The following PDE3A variants were observed in gnomAD, a reference collection of about 807,000 sequenced individuals.
The protein encoded by PDE3A is phosphodiesterase 3A.
In PDE3A, 43 loss-of-function variants were observed where a neutral mutation model predicts 98.3. The ratio of observed to expected loss-of-function variants is 0.44; its 90% CI spans 0.34 to 0.56. The LOEUF is 0.56. Among genes scored for constraint, PDE3A ranks in the 20% least tolerant of loss-of-function variants. The probability of loss-of-function intolerance (pLI) is 0.01; values close to 1 mark genes in which losing one functional copy is unlikely to be tolerated. For synonymous variants in PDE3A, 663 were observed against 567.9 expected (o/e 1.17, Z -2.38); for missense variants, 1,427 against 1,440.7 (o/e 0.99, Z 0.15).
chr12:20,647,173 G>A (rs1565461773), intron 12 of PDE3A, among the ~76,000 whole-genome samples: 1 of 152,100 alleles, frequency 6.6e-6, no homozygotes, highest in Non-Finnish European at 1.5e-5. Context: ...TCATTTCTCA[G>A]TTTTCTTCTT....
At chr12:20,405,339 A>T (rs1271708112) in intron 1 of PDE3A, among the ~76,000 whole-genome samples, 3 of 151,794 alleles carry the variant, frequency 2.0e-5, no homozygotes, top group Non-Finnish European at 4.4e-5. Context: ...ATTCCTTCCC[A>T]CCTTCATCCT....
At chr12:20,475,673 T>C (rs1945519364) in intron 1 of PDE3A, among the ~76,000 whole-genome samples, 1 of 152,068 alleles carries the variant, frequency 6.6e-6, no homozygotes, top group Non-Finnish European at 1.5e-5. Flanking sequence ...GAGGTTGCAG[T>C]GAGCCGAGAT....
In PDE3A at chr12:20,447,760, TAATC is replaced by T. The variant is rs1274182266; in HGVS notation, c.960+77519_960+77522del. 5.3e-5 allele frequency among the ~76,000 whole-genome samples: 8 copies of T among 152,206 alleles called. No individual in the cohort carries two copies. The South Asian group carries it at 1.0e-3, about 20-fold the overall frequency. ...AATTCTGTGAGCTGCTCTAGAAAAT[TAATC>T]AAACACAAAGAGGTGGGTTATAGGA... On this transcript the variant is annotated intron_variant, in intron 1 of 15. Coordinates refer to ENST00000359062, the MANE Select transcript of PDE3A (RefSeq NM_000921.5).
chr12:20,557,563 A>G (rs537498021), intron 2 of PDE3A, among the ~76,000 whole-genome samples: 3 of 152,338 alleles, frequency 2.0e-5, no homozygotes, highest in Admixed American at 6.5e-5. Flanking sequence ...TGAATGTGCA[A>G]TACTGTAAAT....
intron 1 of PDE3A, among the ~76,000 whole-genome samples, chr12:20,434,907 C>T (rs1367414159): frequency 6.6e-6 from 1 of 152,094 alleles, no homozygotes. Context: ...GGATTAAAAA[C>T]TTTAAAGCAA....
At chr12:20,540,435 T>C (rs960026997) in intron 1 of PDE3A, among the ~76,000 whole-genome samples, 27 of 152,234 alleles carry the variant, frequency 1.8e-4, no homozygotes, top group African/African-American at 6.5e-4. Flanking sequence ...TATAATTTAT[T>C]GATTCTGAAA....
chr12:20,473,457 T>C (rs1945476247), intron 1 of PDE3A, among the ~76,000 whole-genome samples: 1 of 152,172 alleles, frequency 6.6e-6, no homozygotes, highest in Non-Finnish European at 1.5e-5. Context: ...TCGGTTGTCC[T>C]ATAAAGTAAT....
At chr12:20,453,374 T>G (rs1352493816) in intron 1 of PDE3A, among the ~76,000 whole-genome samples, 1 of 151,912 alleles carries the variant, frequency 6.6e-6, no homozygotes, top group Non-Finnish European at 1.5e-5. Flanking sequence ...GAGATGGGGT[T>G]TCACCATGTT....
rs566419215 is a variant in PDE3A, at chr12:20,578,608, G to A, written c.1011+21898G>A. Among the ~76,000 whole-genome samples the A allele has an allele frequency of 2.6e-5, 4 of 152,068 alleles. No individual in the cohort carries two copies. The East Asian group carries it at 5.8e-4, about 22-fold the overall frequency. ...ACCCACACACCATCACTAACCTGAA[G>A]CAATTCCAAAATCTTACTGGGAGGC... is the stretch of plus-strand genomic sequence containing the variant. On this transcript the variant is annotated intron_variant, in intron 2 of 15. Coordinates refer to ENST00000359062, the MANE Select transcript of PDE3A (RefSeq NM_000921.5).
In PDE3A at chr12:20,637,087, T is replaced by C; in HGVS notation, c.2002-13T>C. 1 of 1,561,530 alleles carries C rather than the reference T, an allele frequency of 6.4e-7. No individual in the cohort carries two copies. Among genetic ancestry groups the C allele is most frequent in the Non-Finnish European group, 8.6e-7 (1 of 1,157,554 alleles). Reference sequence around the variant, plus strand: ...TGCATGCTGTTTAAGTATTTTAATGTTAAACATTACAGGACAAACCAATTC... The same window carrying C: ...TGCATGCTGTTTAAGTATTTTAATGCTAAACATTACAGGACAAACCAATTC... On this transcript the variant is annotated splice_polypyrimidine_tract_variant and intron_variant, in intron 8 of 15. Coordinates refer to ENST00000359062, the MANE Select transcript of PDE3A (RefSeq NM_000921.5).
At chr12:20,457,564 T>C (rs578208517) in intron 1 of PDE3A, among the ~76,000 whole-genome samples, 98 of 151,864 alleles carry the variant, frequency 6.5e-4, no homozygotes, top group African/African-American at 2.3e-3. Flanking sequence ...TACATATAAA[T>C]TATTATATAA....
At chr12:20,671,685 T>C (rs1281475420) in intron 15 of PDE3A, among the ~76,000 whole-genome samples, 1 of 147,962 alleles carries the variant, frequency 6.8e-6, no homozygotes, top group Non-Finnish European at 1.5e-5. Flanking sequence ...AATTAGGTAT[T>C]GATGGGACAT....
chr12:20,623,016 A>T (rs1944174461), intron 5 of PDE3A, among the ~76,000 whole-genome samples: 1 of 152,242 alleles, frequency 6.6e-6, no homozygotes, highest in East Asian at 1.9e-4. Flanking sequence ...TTAAAAATTT[A>T]CATATTTAAG....
At chr12:20,386,195 A>G (rs1336328363) in intron 1 of PDE3A, among the ~76,000 whole-genome samples, 5 of 77,096 alleles carry the variant, frequency 6.5e-5, no homozygotes, top group Non-Finnish European at 9.3e-5. Context: ...ATATATATAA[A>G]TATATAAAAA....
chr12:20,684,866 C>G lies in PDE3A; in HGVS notation c.*4595C>G, dbSNP rs966749766. 3.3e-5 allele frequency among the ~76,000 whole-genome samples: 5 copies of G among 152,154 alleles called. No individual in the cohort carries two copies. Among genetic ancestry groups the G allele is most frequent in the Non-Finnish European group, 5.9e-5 (4 of 68,034 alleles). ...GAGTTGAGCTAAAAACTATACATAA[C>G]TTAAATTGAGATTTGCATACGTATT... On this transcript the variant is annotated 3_prime_UTR_variant, in exon 16 of 16. Transcript: ENST00000359062.
intron 15 of PDE3A, among the ~76,000 whole-genome samples, chr12:20,675,076 G>A (rs1945598192): frequency 1.3e-5 from 2 of 151,780 alleles, no homozygotes; most frequent in Non-Finnish European, 2.9e-5. Flanking sequence ...GATATTTATT[G>A]TGTTAAACTT....
chr12:20,371,580 G>A (rs1367744388), intron 1 of PDE3A: 1 of 294,568 alleles, frequency 3.4e-6, no homozygotes, highest in Non-Finnish European at 5.0e-6. Flanking sequence ...CTGAAATGGA[G>A]TTGATTACAC....
chr12:20,499,647 A>G (rs938395946), intron 1 of PDE3A, among the ~76,000 whole-genome samples: 3 of 151,796 alleles, frequency 2.0e-5, no homozygotes, highest in South Asian at 4.2e-4. Context: ...CTTTCTCTCC[A>G]CCCCGATTCT....
intron 1 of PDE3A, among the ~76,000 whole-genome samples, chr12:20,462,692 C>A (rs574324158): frequency 6.6e-6 from 1 of 152,106 alleles, no homozygotes; most frequent in South Asian, 2.1e-4. Flanking sequence ...TTTTATTCTT[C>A]ATTTACTCTA....
Sources: gnomAD v4.1 joint callset for allele counts (sites outside exome capture counted in the v4.1 genomes callset) on GRCh38, gnomAD v4.1.1 for gene constraint, MANE v1.5 for transcripts, NCBI Gene and HGNC (gene_info 2026-07-23, HGNC 2026-07-21) for gene names.